The following FASTKD2 variants were observed in gnomAD, a reference collection of about 807,000 sequenced individuals.
FASTKD2 encodes FAST kinase domains 2, also known as FAST kinase domain-containing protein 2, mitochondrial.
FASTKD2 carries 51 observed loss-of-function variants against 63.6 expected under a neutral mutation model. The observed-to-expected ratio is 0.80, with a 90% CI of 0.64 to 1.01. The LOEUF is 1.01. Among genes scored for constraint, FASTKD2 ranks in the 50% least tolerant of loss-of-function variants. FASTKD2 has a pLI of 0.00. For synonymous variants in FASTKD2, 284 were observed against 293.4 expected (o/e 0.97, Z 0.33); for missense variants, 786 against 831.1 (o/e 0.95, Z 0.67).
chr2:206,772,155 TTTG>T (rs1439265975), intron 5 of FASTKD2, 23 bp from the exon 6 acceptor site: 1 of 1,604,378 alleles, frequency 6.2e-7, no homozygotes, highest in Non-Finnish European at 8.5e-7. Context: ...GTAATTTTTG[TTTG>T]TTTATTTAAC....
intron 7 of FASTKD2, among the ~76,000 whole-genome samples, chr2:206,778,282 T>C (rs1054948782): frequency 3.3e-5 from 5 of 152,146 alleles, no homozygotes; most frequent in Admixed American, 6.6e-5. Flanking sequence ...TAGGTGTTTA[T>C]TGCTATAAGT....
Position 206,766,850 on chromosome 2 carries a change from A to C in FASTKD2, c.157A>C (p.Ile53Leu), listed in dbSNP as rs2105969765. The part of the protein sequence containing the change: ...LCCLGLCKPK[I>L]VHSNWNILNN... ...TTGTTTGGGACTTTGCAAACCAAAA[A>C]TAGTTCATTCAAACTGGAACATTTT... Residue 53 changes from isoleucine to leucine, a missense_variant, in exon 2 of 12, where the codon ATA becomes CTA. Transcript: ENST00000402774. 1 of 1,608,142 alleles carries C rather than the reference A, an allele frequency of 6.2e-7. No individual in the cohort carries two copies. The highest frequency in any genetic ancestry group is 8.5e-7 in the Non-Finnish European group (1 of 1,176,862).
chr2:206,779,537 A>C (rs938903464), intron 7 of FASTKD2, among the ~76,000 whole-genome samples: 9 of 152,184 alleles, frequency 5.9e-5, no homozygotes, highest in Non-Finnish European at 1.3e-4. Context: ...AGAGAGCAAG[A>C]GAAAGGGCGA....
chr2:206,766,259 CAAAAAAAAAAAAAAA>C lies in FASTKD2; in HGVS notation c.-50-373_-50-359del, dbSNP rs60933510. On this transcript the variant is annotated intron_variant, in intron 1 of 11. Transcript: ENST00000402774. ...TGGGGGACATAGCAAGACTTTGTCT[CAAAAAAAAAAAAAAA>C]AAAAAAAAAAACAGAGAAGAGAAAA... is the stretch of plus-strand genomic sequence containing the variant. Among the ~76,000 whole-genome samples, 7 of 55,978 alleles carry C rather than the reference CAAAAAAAAAAAAAAA, an allele frequency of 1.3e-4. No homozygotes were observed. The East Asian group carries it at 3.1e-3, about 24-fold the overall frequency. 36.7% of individuals were successfully genotyped at this position (55,978 alleles called of 152,430 possible).
At position 206,790,675 on chromosome 2, in the gene FASTKD2, C is replaced by A. The variant is rs1429346140; in HGVS notation, c.2002C>A (p.His668Asn). 4 of 1,595,234 alleles carry A rather than the reference C, an allele frequency of 2.5e-6. No individual in the cohort carries two copies. The highest frequency in any genetic ancestry group is 3.4e-6 in the Non-Finnish European group (4 of 1,162,966). Reference sequence around the variant, plus strand: ...GCGGCATTTGAATGCAATGGGTTTTCATGTGATCTTGGTGAGAAAAAAATG... The same window carrying A: ...GCGGCATTTGAATGCAATGGGTTTTAATGTGATCTTGGTGAGAAAAAAATG... ...KMRHLNAMGF[H>N]VILVNNWEMD... is the part of the protein sequence containing the mutation. Residue 668 changes from histidine to asparagine, a missense_variant, in exon 11 of 12, where the codon CAT becomes AAT. Physicochemically the swap from His to Asn is moderately conservative, Grantham distance 68. Coordinates refer to ENST00000402774, the MANE Select transcript of FASTKD2 (RefSeq NM_001136193.2).
In FASTKD2 at chr2:206,793,591, G is replaced by C. The variant is rs948101433; in HGVS notation, c.*1789G>C. Among the ~76,000 whole-genome samples, 1 of 152,134 alleles carries C rather than the reference G, an allele frequency of 6.6e-6. No homozygotes were observed. The highest frequency in any genetic ancestry group is 1.5e-5 in the Non-Finnish European group (1 of 68,028). ...AGATGCAGATATTCTGTTATTAAAG[G>C]AACTAAGGTTTTGTCTTTAAATGTT... On this transcript the variant is annotated 3_prime_UTR_variant, in exon 12 of 12. Coordinates refer to ENST00000402774, the MANE Select transcript of FASTKD2 (RefSeq NM_001136193.2).
chr2:206,793,748 C>A lies in FASTKD2; in HGVS notation c.*1946C>A, dbSNP rs756584260. 6.6e-6 allele frequency among the ~76,000 whole-genome samples: 1 copy of A among 152,138 alleles called. No homozygotes were observed. The highest frequency in any genetic ancestry group is 1.5e-5 in the Non-Finnish European group (1 of 68,032). On this transcript the variant is annotated 3_prime_UTR_variant, in exon 12 of 12. Transcript: ENST00000402774. ...CTAGTTAACCTGGCAGATAAAAAGGCATCCCTCTTTTACTAGCATTCTAGT... is the reference window on the plus strand; with the variant it reads ...CTAGTTAACCTGGCAGATAAAAAGGAATCCCTCTTTTACTAGCATTCTAGT...
chr2:206,787,882 T>C, intron 8 of FASTKD2, 55 bp from the exon 9 acceptor site: 2 of 942,748 alleles, frequency 2.1e-6, no homozygotes, highest in East Asian at 5.1e-5. Context: ...TAATATAGTT[T>C]TTTAATGTTG....
rs899203135 is a variant in FASTKD2, at chr2:206,794,833, G to C, written c.*3031G>C. ...TTTATAGAATGTCATGTGTTGTGAG[G>C]GTAGTCACCCTGCAACTGGCTTGGA... On this transcript the variant is annotated 3_prime_UTR_variant, in exon 12 of 12. Transcript: ENST00000402774. Among the ~76,000 whole-genome samples the C allele has an allele frequency of 6.6e-6, 1 of 152,046 alleles. No individual in the cohort carries two copies. The highest frequency in any genetic ancestry group is 2.4e-5 in the African/African-American group (1 of 41,400).
intron 7 of FASTKD2, among the ~76,000 whole-genome samples, chr2:206,778,568 G>C (rs1689882388): frequency 6.6e-6 from 1 of 152,082 alleles, no homozygotes; most frequent in Non-Finnish European, 1.5e-5. Context: ...CTAACATATA[G>C]TCTGTTCTTG....
chr2:206,788,977 G>A lies in FASTKD2; in HGVS notation c.1898+74G>A, dbSNP rs13393291. On this transcript the variant is annotated intron_variant, in intron 10 of 11. Transcript: ENST00000402774. ...ATTCTAAAAGACTTCATATTAAATAGCAGTAGTAAATCTAAGACTTGATGT... is the reference window on the plus strand; with the variant it reads ...ATTCTAAAAGACTTCATATTAAATAACAGTAGTAAATCTAAGACTTGATGT... 3,461 of 811,566 alleles carry A rather than the reference G, an allele frequency of 4.3e-3. 81 individuals carry two copies. In the African/African-American group the frequency reaches 0.05, roughly 12 times the overall value. The allele number at this position is 811,566 out of a possible 1,614,324, so 50.3% of individuals were successfully genotyped here.
In FASTKD2 at chr2:206,767,357, A is replaced by G; in HGVS notation, c.664A>G (p.Arg222Gly). 6.2e-7 allele frequency: 1 copy of G among 1,614,100 alleles called. No individual in the cohort carries two copies. Residue 222 changes from arginine to glycine, a missense_variant, in exon 2 of 12, where the codon AGA becomes GGA. Physicochemically the swap from Arg to Gly is moderately radical, Grantham distance 125. Coordinates refer to ENST00000402774, the MANE Select transcript of FASTKD2 (RefSeq NM_001136193.2). ...AFNQLCEHMM[R>G]EAKIMQYKYL... ...TAATCAGCTCTGTGAACATATGATG[A>G]GAGAAGCCAAGATCATGCAGTATAA...
intron 3 of FASTKD2, among the ~76,000 whole-genome samples, chr2:206,770,926 G>C (rs1053223614): frequency 6.6e-6 from 1 of 152,094 alleles, no homozygotes; most frequent in African/African-American, 2.4e-5. Context: ...CATTGACTAT[G>C]CATAGGATAT....
Position 206,778,678 on chromosome 2 carries a change from A to T in FASTKD2, c.1427+4281A>T, listed in dbSNP as rs538016404. On this transcript the variant is annotated intron_variant, in intron 7 of 11. Coordinates refer to ENST00000402774, the MANE Select transcript of FASTKD2 (RefSeq NM_001136193.2). ...ATATCCATTTCATCTGTAGCAGGGG[A>T]CCCCAGCCCCCAGGCCACGGACTGG... is the stretch of plus-strand genomic sequence containing the variant. Among the ~76,000 whole-genome samples the T allele has an allele frequency of 2.3e-3, 348 of 151,486 alleles. 2 individuals carry two copies. Among genetic ancestry groups the T allele is most frequent in the African/African-American group, 7.9e-3 (328 of 41,298 alleles).
chr2:206,767,363 G>A lies in FASTKD2; in HGVS notation c.670G>A (p.Ala224Thr), dbSNP rs1689547150. The A allele has an allele frequency of 8.1e-6, 13 of 1,613,914 alleles. No individual in the cohort carries two copies. The highest frequency in any genetic ancestry group is 1.1e-5 in the Non-Finnish European group (13 of 1,180,028). The change falls in exon 2 of 12, where the codon GCC (alanine) becomes ACC (threonine). Residue 224 changes from alanine to threonine, a missense_variant. Transcript: ENST00000402774. Reference protein sequence around the residue: ...NQLCEHMMREAKIMQYKYLLF... With the variant: ...NQLCEHMMRETKIMQYKYLLF... ...GCTCTGTGAACATATGATGAGAGAA[G>A]CCAAGATCATGCAGTATAAGTACCT... is the stretch of plus-strand genomic sequence containing the variant.
In FASTKD2 at chr2:206,767,021, A is replaced by T; in HGVS notation, c.328A>T (p.Lys110Ter). 2.5e-6 allele frequency: 4 copies of T among 1,613,892 alleles called. No homozygotes were observed. Among genetic ancestry groups the T allele is most frequent in the Non-Finnish European group, 3.4e-6 (4 of 1,179,782 alleles). The change falls in exon 2 of 12, where the codon AAA becomes TAA. Residue 110 changes from lysine (K) to a stop codon, truncating the protein, a stop_gained. Transcript: ENST00000402774. LOFTEE classifies it high-confidence loss of function. Reference protein sequence around the residue: ...ALRIERLLYAKRLFFDSKQSL... With the variant: ...ALRIERLLYA ...TAGAATTGAAAGACTACTTTATGCT[A>T]AAAGACTGTTTTTTGACTCAAAGCA...
At chr2:206,787,169 A>G (rs534289332) in intron 8 of FASTKD2, among the ~76,000 whole-genome samples, 2 of 152,186 alleles carry the variant, frequency 1.3e-5, no homozygotes, top group Admixed American at 6.5e-5. Context: ...CTATCCTTCT[A>G]TACAAAGGCT....
chr2:206,789,318 G>C (rs1473638931), intron 10 of FASTKD2: 2 of 178,252 alleles, frequency 1.1e-5, no homozygotes, highest in Non-Finnish European at 2.4e-5. Flanking sequence ...TCCAGAGGTA[G>C]AGAAACCGTA....
intron 10 of FASTKD2, 45 bp downstream of exon 10, chr2:206,788,948 C>T (rs763097071): frequency 1.9e-5 from 19 of 1,018,244 alleles, no homozygotes; most frequent in Admixed American, 1.5e-4. Flanking sequence ...GAATTAAAAT[C>T]CTAATTCTAA....
Sources: allele counts gnomAD v4.1 joint callset (sites outside exome capture counted in the v4.1 genomes callset), GRCh38; gene constraint gnomAD v4.1.1; transcripts MANE v1.5; gene names NCBI Gene and HGNC (gene_info 2026-07-23, HGNC 2026-07-21).